DPP10: variants seen among roughly 807,000 people sequenced by gnomAD.
DPP10 encodes the protein inactive dipeptidyl peptidase 10.
A neutral mutation model predicts 120.9 loss-of-function variants in DPP10; 33 were observed. The ratio of observed to expected loss-of-function variants is 0.27; its 90% CI spans 0.21 to 0.37. The LOEUF (loss-of-function observed/expected upper bound fraction) is 0.37. Among genes scored for constraint, DPP10 ranks in the 10% least tolerant of loss-of-function variants. The pLI is 1.00. For synonymous variants in DPP10, 337 were observed against 326.1 expected (o/e 1.03, Z -0.36); for missense variants, 816 against 942.8 (o/e 0.87, Z 1.76).
At chr2:114,846,006 A>G (rs1405895462) in intron 1 of DPP10, among the ~76,000 whole-genome samples, 1 of 152,002 alleles carries the variant, frequency 6.6e-6, no homozygotes, top group Non-Finnish European at 1.5e-5. Context: ...TTCTCATGCC[A>G]ATATATTTTT....
intron 1 of DPP10, among the ~76,000 whole-genome samples, chr2:114,798,251 C>T (rs200550240): frequency 1.3e-5 from 2 of 151,954 alleles, no homozygotes; most frequent in Admixed American, 6.6e-5. Context: ...TGAGGAACAC[C>T]TGAAGTTTAA....
intron 19 of DPP10, among the ~76,000 whole-genome samples, chr2:115,806,919 G>A (rs1686046806): frequency 6.6e-6 from 1 of 152,012 alleles, no homozygotes. Flanking sequence ...CTGCATAGGA[G>A]AGTCACATTG....
chr2:115,672,044 A>G (rs2089917745), intron 5 of DPP10, among the ~76,000 whole-genome samples: 1 of 152,232 alleles, frequency 6.6e-6, no homozygotes, highest in Non-Finnish European at 1.5e-5. Flanking sequence ...CTACCATCAT[A>G]TACTCAGTAT....
intron 1 of DPP10, among the ~76,000 whole-genome samples, chr2:114,503,430 T>C (rs368408515): frequency 6.6e-6 from 1 of 152,206 alleles, no homozygotes; most frequent in Non-Finnish European, 1.5e-5. Context: ...TCATTTCTTT[T>C]AAAAGGTTGA....
At chr2:115,437,989 T>A (rs2071648203) in intron 3 of DPP10, among the ~76,000 whole-genome samples, 1 of 152,030 alleles carries the variant, frequency 6.6e-6, no homozygotes, top group African/African-American at 2.4e-5. Context: ...ATCTGCTTTG[T>A]ATATTGAAAA....
At chr2:114,964,601 G>C (rs935571294) in intron 1 of DPP10, among the ~76,000 whole-genome samples, 1 of 152,046 alleles carries the variant, frequency 6.6e-6, no homozygotes, top group African/African-American at 2.4e-5. Flanking sequence ...AAGAGCAATC[G>C]CAAAGGCCAT....
At chr2:115,211,799 G>A (rs2056532275) in intron 1 of DPP10, among the ~76,000 whole-genome samples, 1 of 152,088 alleles carries the variant, frequency 6.6e-6, no homozygotes, top group Non-Finnish European at 1.5e-5. Flanking sequence ...AAATACAATG[G>A]TAGATAAACT....
chr2:114,889,011 T>G (rs1416286566), intron 1 of DPP10, among the ~76,000 whole-genome samples: 1 of 152,152 alleles, frequency 6.6e-6, no homozygotes, highest in African/African-American at 2.4e-5. Flanking sequence ...TAGAGTGGGC[T>G]CTAATCCAAT....
chr2:114,706,571 T>C (rs1700699341), intron 1 of DPP10, among the ~76,000 whole-genome samples: 1 of 152,212 alleles, frequency 6.6e-6, no homozygotes, highest in Non-Finnish European at 1.5e-5. Flanking sequence ...CTCTGTCTTC[T>C]TTTATATCTC....
At chr2:114,585,295 C>T (rs143689987) in intron 1 of DPP10, among the ~76,000 whole-genome samples, 2 of 152,254 alleles carry the variant, frequency 1.3e-5, no homozygotes, top group Non-Finnish European at 2.9e-5. Context: ...CTAGAGACTG[C>T]CTGCATTCTA....
At chr2:114,484,849 T>C (rs1239084449) in intron 1 of DPP10, among the ~76,000 whole-genome samples, 1 of 152,056 alleles carries the variant, frequency 6.6e-6, no homozygotes, top group East Asian at 1.9e-4. Context: ...TCAAATGTCT[T>C]CAGGTATAGA....
intron 1 of DPP10, among the ~76,000 whole-genome samples, chr2:115,040,206 G>A (rs1704531851): frequency 6.6e-6 from 1 of 151,696 alleles, no homozygotes; most frequent in Admixed American, 6.6e-5. Context: ...ATGAGATTTG[G>A]GCAGGGACAC....
At chr2:115,363,670 A>G (rs1295427795) in intron 3 of DPP10, among the ~76,000 whole-genome samples, 1 of 152,218 alleles carries the variant, frequency 6.6e-6, no homozygotes, top group African/African-American at 2.4e-5. Context: ...TCACAGGCCT[A>G]TGCTTTCTAA....
chr2:115,100,279 C>G (rs1261791437), intron 1 of DPP10, among the ~76,000 whole-genome samples: 1 of 152,080 alleles, frequency 6.6e-6, no homozygotes, highest in African/African-American at 2.4e-5. Flanking sequence ...GATCCTGTCT[C>G]TATAAACACC....
chr2:114,612,751 C>G (rs1368657910), intron 1 of DPP10, among the ~76,000 whole-genome samples: 1 of 152,150 alleles, frequency 6.6e-6, no homozygotes, highest in Non-Finnish European at 1.5e-5. Flanking sequence ...TTTTACCAGC[C>G]ATGTGGCATT....
intron 7 of DPP10, among the ~76,000 whole-genome samples, chr2:115,702,567 C>T (rs1218237316): frequency 6.6e-6 from 1 of 152,002 alleles, no homozygotes; most frequent in East Asian, 1.9e-4. Flanking sequence ...TTGGATGAAC[C>T]TTAAAAACAT....
chr2:115,235,051 A>C (rs1055963667), intron 1 of DPP10, among the ~76,000 whole-genome samples: 1 of 152,186 alleles, frequency 6.6e-6, no homozygotes, highest in African/African-American at 2.4e-5. Flanking sequence ...GAAAATGCTT[A>C]GGTTTTTGTT....
chr2:115,335,950 T>C (rs961919643), intron 2 of DPP10, among the ~76,000 whole-genome samples: 1 of 152,106 alleles, frequency 6.6e-6, no homozygotes, highest in African/African-American at 2.4e-5. Context: ...TTTAAATAAC[T>C]ACTTGATTAG....
At chr2:115,448,610 G>A (rs1010054826) in intron 3 of DPP10, among the ~76,000 whole-genome samples, 1 of 151,934 alleles carries the variant, frequency 6.6e-6, no homozygotes, top group African/African-American at 2.4e-5. Flanking sequence ...AAAAATTCAA[G>A]ATATGAAATT....
Sources: gnomAD v4.1 joint callset for allele counts (sites outside exome capture counted in the v4.1 genomes callset) on GRCh38, gnomAD v4.1.1 for gene constraint, MANE v1.5 for transcripts, NCBI Gene and HGNC (gene_info 2026-07-23, HGNC 2026-07-21) for gene names.